The following GRK7 variants were observed in gnomAD, a reference collection of about 807,000 sequenced individuals.
The protein encoded by GRK7 is G protein-coupled receptor kinase 7, also known as rhodopsin kinase GRK7.
GRK7 carries 24 observed loss-of-function variants against 34.1 expected under a neutral mutation model. The ratio of observed to expected loss-of-function variants is 0.70; its 90% CI spans 0.51 to 0.99. The LOEUF (loss-of-function observed/expected upper bound fraction) is 0.99, where lower values mean the gene tolerates loss of function less well. GRK7 is among the 50% of genes least tolerant of loss of function. GRK7 has a pLI of 0.00. For synonymous variants in GRK7, 256 were observed against 279.4 expected, an observed-to-expected ratio of 0.92 and a Z score of 0.84; for missense variants, 644 against 707.3, an observed-to-expected ratio of 0.91 and a Z score of 1.02.
At chr3:141,773,227 G>A (rs529350937) in intron 1 of GRK7, among the ~76,000 whole-genome samples, 13 of 151,910 alleles carry the variant, frequency 8.6e-5, no homozygotes, top group Non-Finnish European at 1.3e-4. Context: ...TTTTTGTGGT[G>A]GAATATAGTA....
At chr3:141,773,672 C>T (rs1320690184) in intron 1 of GRK7, among the ~76,000 whole-genome samples, 1 of 152,124 alleles carries the variant, frequency 6.6e-6, no homozygotes, top group Non-Finnish European at 1.5e-5. Context: ...CCTTGGCCTC[C>T]CAAAGTGCTG....
the GRK7 span, among the ~76,000 whole-genome samples, chr3:141,752,150 G>A: frequency 1.2e-4 from 18 of 152,198 alleles, no homozygotes; most frequent in Admixed American, 2.6e-4. Flanking sequence ...AAACCTCAGT[G>A]TTTACTATAA....
In GRK7 at chr3:141,816,520, C is replaced by T. The variant is rs555887108; in HGVS notation, c.1326-194C>T. ...AAGCTGTCTGCAAATAATGAGAATG[C>T]TACTGTCTACTTATACGGGAATTTG... On this transcript the variant is annotated intron_variant, in intron 5 of 5. Coordinates refer to ENST00000682958, the MANE Select transcript of GRK7 (RefSeq NM_139209.3). Among the ~76,000 whole-genome samples the T allele has an allele frequency of 2.0e-5, 3 of 152,248 alleles. No homozygotes were observed. The South Asian group carries it at 6.2e-4, about 32-fold the overall frequency.
chr3:141,778,177 A>G lies in GRK7; in HGVS notation c.-108A>G, dbSNP rs2084649568. The G allele has an allele frequency of 2.9e-6, 4 of 1,386,560 alleles. No individual in the cohort carries two copies. Among genetic ancestry groups the G allele is most frequent in the South Asian group, 1.4e-5 (1 of 70,452 alleles). 85.9% of individuals were successfully genotyped at this position (1,386,560 alleles called of 1,614,324 possible). The stretch of plus-strand genomic sequence containing the variant: ...TCCACGGGTCCCACCCACAGGCCAC[A>G]GGACTCACTGTAAATCCCTTGGACG... On this transcript the variant is annotated 5_prime_UTR_variant, in exon 3 of 6. Coordinates refer to ENST00000682958, the MANE Select transcript of GRK7 (RefSeq NM_139209.3). This position sits in a 1 kb window ranked among gnomAD's most constrained non-coding sequence, Gnocchi z 4.1.
At chr3:141,798,349 G>C (rs1474892471) in intron 4 of GRK7, among the ~76,000 whole-genome samples, 3 of 152,190 alleles carry the variant, frequency 2.0e-5, no homozygotes, top group African/African-American at 7.2e-5. Flanking sequence ...CCAATGCTGG[G>C]TATACTTGGT....
intron 4 of GRK7, among the ~76,000 whole-genome samples, chr3:141,789,656 C>CAAAAAAAAAA (rs60765509): frequency 1.3e-3 from 150 of 118,802 alleles, no homozygotes; most frequent in African/African-American, 2.3e-3. Context: ...GCCAAATGGG[C>CAAAAAAAAAA]AAAAAAAAAA....
At chr3:141,814,998 C>T (rs6762718) in intron 5 of GRK7, among the ~76,000 whole-genome samples, 8,995 of 147,778 alleles carry the variant, frequency 0.061, 882 homozygotes, top group African/African-American at 0.21. Context: ...AATCTTGGCT[C>T]ACTGCAATCT....
Position 141,817,114 on chromosome 3 carries a change from C to A in GRK7, c.*64C>A. 1 of 1,270,204 alleles carries A rather than the reference C, an allele frequency of 7.9e-7. No homozygotes were observed. Among genetic ancestry groups the A allele is most frequent in the Admixed American group, 2.2e-5 (1 of 45,284 alleles). The allele number at this position is 1,270,204 out of a possible 1,614,324, so 78.7% of individuals were successfully genotyped here. A position where few individuals can be genotyped will look rare whatever the true frequency, so the allele number is the denominator to read the frequency against. On this transcript the variant is annotated 3_prime_UTR_variant, in exon 6 of 6. Coordinates refer to ENST00000682958, the MANE Select transcript of GRK7 (RefSeq NM_139209.3). ...TGACATAATCCTCGAATGTTCCACA[C>A]GTGGAAATCTGTGGAATGAGGGCTA...
intron 5 of GRK7, 125 bp from the exon 6 acceptor site, chr3:141,816,589 A>G (rs1267118751): frequency 1.8e-6 from 1 of 541,314 alleles, no homozygotes; most frequent in African/African-American, 1.9e-5. Flanking sequence ...TCTTTATGTT[A>G]TTATATTGTC....
At chr3:141,797,035 G>A (rs56358931) in intron 4 of GRK7, among the ~76,000 whole-genome samples, 103,721 of 152,152 alleles carry the variant, frequency 0.68, 36,179 homozygotes, top group African/African-American at 0.84. Flanking sequence ...GTGGGTGACC[G>A]GCTTATAACT....
chr3:141,765,785 G>A (rs954616207), intron 1 of GRK7, among the ~76,000 whole-genome samples, 47 bp downstream of exon 1: 2 of 152,202 alleles, frequency 1.3e-5, no homozygotes, highest in African/African-American at 4.8e-5. Flanking sequence ...CTGTATATTT[G>A]TGGGATAAGT....
At chr3:141,788,205 G>A (rs1050234068) in intron 4 of GRK7, among the ~76,000 whole-genome samples, 3 of 152,192 alleles carry the variant, frequency 2.0e-5, no homozygotes, top group African/African-American at 2.4e-5. Flanking sequence ...ACTGGGTAAA[G>A]TACTTTGGAT....
Position 141,780,580 on chromosome 3 carries a change from G to A in GRK7, c.819G>A (p.Gly273=). The A allele has an allele frequency of 6.2e-7, 1 of 1,614,230 alleles. No individual in the cohort carries two copies. The highest frequency in any genetic ancestry group is 8.5e-7 in the Non-Finnish European group (1 of 1,180,038). Residue 273 remains glycine, a synonymous_variant, in exon 4 of 6, where the codon GGG becomes GGA. Transcript: ENST00000682958. ...HLCLVMSLMN[G]GDLKFHIYNV... Reference sequence around the variant, plus strand: ...GCCTTGTCATGAGCCTGATGAATGGGGGAGACCTCAAGTTCCACATCTACA... The same window carrying A: ...GCCTTGTCATGAGCCTGATGAATGGAGGAGACCTCAAGTTCCACATCTACA...
chr3:141,811,938 G>A (rs1284919833), intron 5 of GRK7, among the ~76,000 whole-genome samples: 1 of 152,210 alleles, frequency 6.6e-6, no homozygotes, highest in Non-Finnish European at 1.5e-5. Context: ...CTCCAGATGG[G>A]ATCAACTACA....
rs1477985923 is a variant in GRK7 at position 141,780,473 on chromosome 3, T to C, written c.712T>C (p.Leu238=). ...GAAAGGTGGCGAGAAGATGGCTCTC[T>C]TGGAAAAGGAAATCTTGGAGAAGGT... ...KKKGGEKMAL[L]EKEILEKVSS... is the part of the protein sequence containing the mutation. Residue 238 remains leucine (L), a synonymous_variant, in exon 4 of 6, where the codon TTG becomes CTG. Transcript: ENST00000682958. 1 of 1,614,218 alleles carries C rather than the reference T, an allele frequency of 6.2e-7. No individual in the cohort carries two copies. The highest frequency in any genetic ancestry group is 8.5e-7 in the Non-Finnish European group (1 of 1,180,040).
chr3:141,774,443 A>G (rs1258234015), intron 1 of GRK7, among the ~76,000 whole-genome samples, 137 bp from the exon 2 acceptor site: 2 of 152,172 alleles, frequency 1.3e-5, no homozygotes, highest in African/African-American at 4.8e-5. Flanking sequence ...AAAAGAAAAA[A>G]GAAAGAAAAA....
intron 5 of GRK7, among the ~76,000 whole-genome samples, chr3:141,814,504 A>G (rs1218110550): frequency 6.6e-6 from 1 of 152,108 alleles, no homozygotes; most frequent in East Asian, 1.9e-4. Flanking sequence ...ATGTTAGTTC[A>G]CTTAAGAAAA....
chr3:141,810,546 G>A (rs1281066666), intron 5 of GRK7, among the ~76,000 whole-genome samples: 1 of 152,056 alleles, frequency 6.6e-6, no homozygotes, highest in African/African-American at 2.4e-5. Flanking sequence ...ACAGAGTCTT[G>A]CTCTGCTGCC....
At chr3:141,763,117 G>T (rs956414986), upstream of GRK7, among the ~76,000 whole-genome samples, 3 of 152,214 alleles carry the variant, frequency 2.0e-5, no homozygotes, top group Non-Finnish European at 4.4e-5. Context: ...GCTGTAGACC[G>T]GAGCTGTTCC....
Sources: allele counts gnomAD v4.1 joint callset (sites outside exome capture counted in the v4.1 genomes callset), GRCh38; gene constraint gnomAD v4.1.1; non-coding constraint Gnocchi (gnomAD v3.1); transcripts MANE v1.5; gene names NCBI Gene and HGNC (gene_info 2026-07-23, HGNC 2026-07-21).